The following GSTZ1 variants were observed in gnomAD, a reference collection of about 807,000 sequenced individuals.
The protein encoded by GSTZ1 is maleylacetoacetate isomerase.
Under a neutral mutation model 35.9 loss-of-function variants are expected in GSTZ1, and 34 were observed. That is an observed-to-expected ratio of 0.95 (90% CI 0.72 to 1.26). The LOEUF is 1.26. Ranked by LOEUF, GSTZ1 falls within the 50% of genes most tolerant of loss-of-function variation. GSTZ1 has a pLI of 0.00. For synonymous variants in GSTZ1, 93 were observed against 101.2 expected, an observed-to-expected ratio of 0.92 and a Z score of 0.49; for missense variants, 263 against 271.7, an observed-to-expected ratio of 0.97 and a Z score of 0.23.
Position 77,327,962 on chromosome 14 carries a change from G to T in GSTZ1, c.267G>T (p.Leu89=). 6.2e-7 allele frequency: 1 copy of T among 1,613,960 alleles called. No homozygotes were observed. The stretch of plus-strand genomic sequence containing the variant: ...AGATGCGTCCCACTCCGCGACTTCT[G>T]CCTCAGGACCCAAAGAAGAGGGCCA... The part of the protein sequence containing the change: ...LEEMRPTPRL[L]PQDPKKRASV... The change falls in exon 5 of 9, where the codon CTG becomes CTT. Residue 89 remains leucine, a synonymous_variant. Coordinates refer to ENST00000216465, the MANE Select transcript of GSTZ1 (RefSeq NM_145870.3).
At chr14:77,328,108 G>T (rs1184873000) in intron 5 of GSTZ1, 71 bp downstream of exon 5, 3 of 1,519,740 alleles carry the variant, frequency 2.0e-6, no homozygotes, top group African/African-American at 2.7e-5. Context: ...GCTGTGAGCT[G>T]CCCAGTGTGG....
Position 77,329,872 on chromosome 14 carries a change from T to A in GSTZ1, c.474+65T>A, listed in dbSNP as rs373599259. On this transcript the variant is annotated intron_variant, in intron 7 of 8. Transcript: ENST00000216465. ...GCTGCCTCCCTCATGCTGACCTCCC[T>A]CAAGCTCAGAGCTTCCTGAGAAGGC... The A allele has an allele frequency of 5.5e-4, 668 of 1,225,230 alleles. 1 individual carries two copies. Among genetic ancestry groups the A allele is most frequent in the Middle Eastern group, 9.5e-4 (5 of 5,276 alleles). 75.9% of individuals were successfully genotyped at this position (1,225,230 alleles called of 1,614,324 possible). A position where few individuals can be genotyped will look rare whatever the true frequency, so the allele number is the denominator to read the frequency against.
chr14:77,329,645 G>A (rs1892511400), intron 6 of GSTZ1, 110 bp from the exon 7 acceptor site: 6 of 821,360 alleles, frequency 7.3e-6, no homozygotes, highest in Non-Finnish European at 1.1e-5. Context: ...GCCATGCCCA[G>A]TCTGTCACTC....
In GSTZ1 at chr14:77,331,320, T is replaced by C. The variant is rs1209612708; in HGVS notation, c.*125T>C. The C allele has an allele frequency of 8.7e-7, 1 of 1,151,108 alleles. No individual in the cohort carries two copies. Among genetic ancestry groups the C allele is most frequent in the African/African-American group, 1.5e-5 (1 of 64,684 alleles). 71.3% of individuals were successfully genotyped at this position (1,151,108 alleles called of 1,614,324 possible). ...TCGAACTCTAGCCCTGGATCTGCCT[T>C]CCTGCTGAAACTTGTTCCACCTCAG... On this transcript the variant is annotated 3_prime_UTR_variant, in exon 9 of 9. Transcript: ENST00000216465.
In GSTZ1 at chr14:77,331,163, C is replaced by T; in HGVS notation, c.619C>T (p.Gln207Ter). The T allele has an allele frequency of 6.2e-7, 1 of 1,614,102 alleles. No homozygotes were observed. The highest frequency in any genetic ancestry group is 8.5e-7 in the Non-Finnish European group (1 of 1,179,968). The change falls in exon 9 of 9, where the codon CAG becomes TAG. Residue 207 changes from glutamine (Q) to a stop codon, truncating the protein, a stop_gained. Coordinates refer to ENST00000216465, the MANE Select transcript of GSTZ1 (RefSeq NM_145870.3). LOFTEE classifies it high-confidence loss of function. ...CTTCCAGGTGTCTCACCCCTGCCGG[C>T]AGCCAGATACACCCACTGAGCTGAG... is the stretch of plus-strand genomic sequence containing the variant. ...EAFQVSHPCR[Q>*]PDTPTELRA
At chr14:77,327,640 A>G (rs1280521032) in intron 4 of GSTZ1, 88 bp downstream of exon 4, 6 of 923,678 alleles carry the variant, frequency 6.5e-6, no homozygotes, top group African/African-American at 4.9e-5. Context: ...GTGTACAGTC[A>G]AGGTGCCTAG....
At chr14:77,328,820 C>T (rs1421016389) in intron 5 of GSTZ1, 1 of 427,316 alleles carries the variant, frequency 2.3e-6, no homozygotes, top group Non-Finnish European at 4.4e-6. Flanking sequence ...GAGTTGTGGG[C>T]ACACCTGCCA....
At chr14:77,324,945 A>T in intron 2 of GSTZ1, 24 bp downstream of exon 2, 1 of 1,602,004 alleles carries the variant, frequency 6.2e-7, no homozygotes, top group Non-Finnish European at 8.6e-7. Context: ...CTCCTCCAGG[A>T]TGAGTGCTGG....
At chr14:77,324,199 G>C (rs1892181261) in intron 1 of GSTZ1, 1 of 179,866 alleles carries the variant, frequency 5.6e-6, no homozygotes, top group Non-Finnish European at 1.1e-5. Flanking sequence ...CTGGAGTGCA[G>C]TGGTGCGATC....
At chr14:77,322,180 T>C (rs555762389) in intron 1 of GSTZ1, among the ~76,000 whole-genome samples, 5 of 152,198 alleles carry the variant, frequency 3.3e-5, no homozygotes, top group Non-Finnish European at 7.4e-5. Context: ...GGAGTCTTTT[T>C]CTCAAATCAT....
At chr14:77,326,549 C>G in intron 2 of GSTZ1, 1 of 382,166 alleles carries the variant, frequency 2.6e-6, no homozygotes, top group South Asian at 3.5e-5. Context: ...AGGGCATACA[C>G]CTTTATCACC....
intron 3 of GSTZ1, 70 bp downstream of exon 3, chr14:77,326,975 A>G (rs1051480140): frequency 4.8e-6 from 5 of 1,043,972 alleles, no homozygotes; most frequent in Non-Finnish European, 7.3e-6. Flanking sequence ...CAGGGGAAAA[A>G]GGGGAGGCTC....
At chr14:77,330,140 C>T (rs897872240) in intron 7 of GSTZ1, 170 bp from the exon 8 acceptor site, 12 of 753,570 alleles carry the variant, frequency 1.6e-5, no homozygotes, top group African/African-American at 6.8e-5. Flanking sequence ...ACTTCAGCTC[C>T]GGGGGACAGA....
chr14:77,324,577 C>A, intron 1 of GSTZ1: 1 of 1,533,072 alleles, frequency 6.5e-7, no homozygotes, highest in Non-Finnish European at 8.7e-7. Flanking sequence ...GGGACATTTC[C>A]TGGGAGGCTG....
intron 2 of GSTZ1, 196 bp from the exon 3 acceptor site, chr14:77,326,642 G>C (rs981405850): frequency 1.8e-6 from 1 of 554,394 alleles, no homozygotes; most frequent in Admixed American, 3.0e-5. Flanking sequence ...GCAGAGCATC[G>C]TGCATCTGGG....
chr14:77,327,887 T>G, intron 4 of GSTZ1, 25 bp from the exon 5 acceptor site: 1 of 1,613,242 alleles, frequency 6.2e-7, no homozygotes, highest in Non-Finnish European at 8.5e-7. Context: ...GCCCTCTCCC[T>G]GCCTCACTGC....
In GSTZ1 at chr14:77,321,136, C is replaced by G. The variant is rs918759772; in HGVS notation, c.-33C>G. 1 of 1,445,356 alleles carries G rather than the reference C, an allele frequency of 6.9e-7. No homozygotes were observed. Among genetic ancestry groups the G allele is most frequent in the African/African-American group, 1.4e-5 (1 of 69,636 alleles). 89.5% of individuals were successfully genotyped at this position (1,445,356 alleles called of 1,614,324 possible). A position where few individuals can be genotyped will look rare whatever the true frequency, so the allele number is the denominator to read the frequency against. ...GGCAGGTCCCAGGCGCGAAGTTTCT[C>G]GGCCTGGAGGAGGGGGTCGCGCGAA... On this transcript the variant is annotated 5_prime_UTR_variant, in exon 1 of 9. Transcript: ENST00000216465.
intron 7 of GSTZ1, 40 bp from the exon 8 acceptor site, chr14:77,330,270 G>A (rs1460562327): frequency 6.8e-7 from 1 of 1,465,150 alleles, no homozygotes; most frequent in Non-Finnish European, 9.6e-7. Flanking sequence ...CTGACTCTGG[G>A]GTATGCACCC....
chr14:77,328,750 T>A (rs1892462649), intron 5 of GSTZ1: 1 of 227,050 alleles, frequency 4.4e-6, no homozygotes, highest in Non-Finnish European at 8.7e-6. Flanking sequence ...CCCCACCCTC[T>A]TTCACACTCC....
Sources: gnomAD v4.1 joint callset for allele counts (sites outside exome capture counted in the v4.1 genomes callset) on GRCh38, gnomAD v4.1.1 for gene constraint, MANE v1.5 for transcripts, NCBI Gene and HGNC (gene_info 2026-07-23, HGNC 2026-07-21) for gene names.